The following ZDHHC5 variants were observed in gnomAD, a reference collection of about 807,000 sequenced individuals.
ZDHHC5 encodes the protein palmitoyltransferase ZDHHC5.
ZDHHC5 carries 22 observed loss-of-function variants against 70.0 expected under a neutral mutation model. The observed-to-expected ratio is 0.31, with a 90% CI of 0.22 to 0.45. ZDHHC5 has a LOEUF of 0.45. Among genes scored for constraint, ZDHHC5 ranks in the 20% least tolerant of loss-of-function variants. The pLI is 1.00. For missense variants in ZDHHC5, 746 were observed against 926.9 expected (o/e 0.80, Z 2.53); for synonymous variants, 313 against 347.8 (o/e 0.90, Z 1.11).
At chr11:57,683,972 ATT>A (rs11435194) in intron 3 of ZDHHC5, among the ~76,000 whole-genome samples, 7 of 135,860 alleles carry the variant, frequency 5.2e-5, no homozygotes, top group Admixed American at 7.7e-5. Context: ...CTAATAATTA[ATT>A]TTTTTTTTTT....
chr11:57,699,953 A>T lies in ZDHHC5; in HGVS notation c.2070A>T (p.Pro690=). Residue 690 remains proline (P), a synonymous_variant, in exon 12 of 12, where the codon CCA becomes CCT. Transcript: ENST00000287169. ...LGSASPGPGQ[P]PLSSPTRGGV... ...CAGCCTCCCCTGGCCCAGGCCAGCC[A>T]CCTCTCAGTAGCCCCACGAGGGGAG... 1 of 1,614,030 alleles carries T rather than the reference A, an allele frequency of 6.2e-7. No homozygotes were observed. Among genetic ancestry groups the T allele is most frequent in the Non-Finnish European group, 8.5e-7 (1 of 1,179,968 alleles).
intron 4 of ZDHHC5, among the ~76,000 whole-genome samples, chr11:57,689,290 C>T (rs909792932): frequency 6.6e-6 from 1 of 152,154 alleles, no homozygotes; most frequent in Non-Finnish European, 1.5e-5. Context: ...GATGTTTCTG[C>T]AAAACCTCTG....
At chr11:57,676,686 G>T (rs1946075801) in intron 2 of ZDHHC5, among the ~76,000 whole-genome samples, 1 of 151,714 alleles carries the variant, frequency 6.6e-6, no homozygotes, top group Non-Finnish European at 1.5e-5. Context: ...GGGCTGCTCT[G>T]GTTCAAGTGA....
At chr11:57,678,669 AG>A (rs1169019865) in intron 2 of ZDHHC5, among the ~76,000 whole-genome samples, 1 of 151,488 alleles carries the variant, frequency 6.6e-6, no homozygotes, top group Non-Finnish European at 1.5e-5. Flanking sequence ...CGCTGAGCCC[AG>A]GAGTTCGAGA....
At chr11:57,673,260 C>T (rs1477857358) in intron 2 of ZDHHC5, 66 bp downstream of exon 2, 6 of 1,531,164 alleles carry the variant, frequency 3.9e-6, no homozygotes, top group Middle Eastern at 3.4e-4. Flanking sequence ...GGAGATAACG[C>T]TTTCTCTTGA....
rs1241866942 is a variant in ZDHHC5 at position 57,672,166 on chromosome 11, AT to A, written c.-923del. The A allele has an allele frequency of 2.5e-6, 1 of 398,296 alleles. No individual in the cohort carries two copies. Among genetic ancestry groups the A allele is most frequent in the Non-Finnish European group, 4.4e-6 (1 of 226,002 alleles). 24.7% of individuals were successfully genotyped at this position (398,296 alleles called of 1,614,324 possible). A position where few individuals can be genotyped will look rare whatever the true frequency, so the allele number is the denominator to read the frequency against. ...AACTTTTGAAGTGTCATCAATTGGA[AT>A]TGATTTCTTCATCTTATTCTGCCTA... On this transcript the variant is annotated 5_prime_UTR_variant, in exon 2 of 12. The change creates a new upstream start codon in the 5' untranslated region. Coordinates refer to ENST00000287169, the MANE Select transcript of ZDHHC5 (RefSeq NM_015457.3).
intron 2 of ZDHHC5, among the ~76,000 whole-genome samples, chr11:57,681,090 A>G (rs1946144770): frequency 6.6e-6 from 1 of 152,238 alleles, no homozygotes; most frequent in Non-Finnish European, 1.5e-5. Context: ...ATTTGAATAA[A>G]TAGATGGTGG....
intron 1 of ZDHHC5, among the ~76,000 whole-genome samples, chr11:57,669,944 C>T (rs1414545157): frequency 1.3e-5 from 2 of 152,078 alleles, no homozygotes; most frequent in African/African-American, 4.8e-5. Context: ...ACTGTGTAGC[C>T]CCCAAGCATC....
intron 3 of ZDHHC5, among the ~76,000 whole-genome samples, chr11:57,686,500 G>C (rs1946209888): frequency 1.3e-5 from 2 of 151,894 alleles, no homozygotes; most frequent in African/African-American, 4.8e-5. Flanking sequence ...ATTTTTAGTA[G>C]AGATGGGGTC....
intron 1 of ZDHHC5, among the ~76,000 whole-genome samples, chr11:57,670,819 G>GAT (rs1945996533): frequency 7.8e-6 from 1 of 128,560 alleles, no homozygotes; most frequent in Non-Finnish European, 1.6e-5. Context: ...TGAATCTTCT[G>GAT]ATTTTTTTTT....
At chr11:57,684,217 C>T (rs1204617419) in intron 3 of ZDHHC5, among the ~76,000 whole-genome samples, 3 of 152,128 alleles carry the variant, frequency 2.0e-5, no homozygotes, top group South Asian at 2.1e-4. Flanking sequence ...CCTTGTGATT[C>T]GCCTGCCTCA....
In ZDHHC5 at chr11:57,683,652, G is replaced by C. The variant is rs114248069; in HGVS notation, c.226+1109G>C. On this transcript the variant is annotated intron_variant, in intron 3 of 11. Transcript: ENST00000287169. ...TACCCAGTGGGCAATTGAATAGTCAGTGTTGAAGACCTTGATTTAATAATC... is the reference window on the plus strand; with the variant it reads ...TACCCAGTGGGCAATTGAATAGTCACTGTTGAAGACCTTGATTTAATAATC... 1.5e-3 allele frequency among the ~76,000 whole-genome samples: 222 copies of C among 152,324 alleles called. 1 individual carries two copies. The highest frequency in any genetic ancestry group is 5.1e-3 in the African/African-American group (211 of 41,572).
At chr11:57,671,948 G>GA in intron 1 of ZDHHC5, 73 bp from the exon 2 acceptor site, 1 of 304,446 alleles carries the variant, frequency 3.3e-6, no homozygotes. Context: ...ACAGCAGCCT[G>GA]TGGAATTTTA....
intron 2 of ZDHHC5, 92 bp downstream of exon 2, chr11:57,673,286 G>C: frequency 8.1e-7 from 1 of 1,233,958 alleles, no homozygotes; most frequent in Non-Finnish European, 1.2e-6. Context: ...GCAAAGCCAA[G>C]TGACTGAGAG....
chr11:57,699,294 G>C lies in ZDHHC5; in HGVS notation c.1858G>C (p.Gly620Arg), dbSNP rs1245620373. ...KPDGLRGRGV[G>R]SPEPGPTAPY... ...AGATGGGCTAAGGGGCCGGGGAGTA[G>C]GGTCCCCTGAACCAGGCCCAACAGC... The change falls in exon 11 of 12, where the codon GGG (glycine) becomes CGG (arginine). Residue 620 changes from glycine (G) to arginine (R), a missense_variant. By Grantham distance (125) the Gly-to-Arg change is moderately radical. Around this residue, in one of 6 missense-constraint regions of ZDHHC5, gnomAD observed 340 missense variants for 350.1 expected, o/e 0.97. Coordinates refer to ENST00000287169, the MANE Select transcript of ZDHHC5 (RefSeq NM_015457.3). 2.5e-6 allele frequency: 4 copies of C among 1,614,240 alleles called. No individual in the cohort carries two copies. The highest frequency in any genetic ancestry group is 2.2e-5 in the East Asian group (1 of 44,890).
At chr11:57,693,581 G>C (rs1946312951) in intron 7 of ZDHHC5, among the ~76,000 whole-genome samples, 1 of 152,126 alleles carries the variant, frequency 6.6e-6, no homozygotes, top group South Asian at 2.1e-4. Context: ...CTTGAGCTAG[G>C]TATCTGCTCA....
At chr11:57,680,221 C>A (rs1946132036) in intron 2 of ZDHHC5, among the ~76,000 whole-genome samples, 2 of 151,934 alleles carry the variant, frequency 1.3e-5, no homozygotes, top group South Asian at 4.1e-4. Context: ...CCTGTCTCTA[C>A]AAAAAATTAG....
intron 2 of ZDHHC5, among the ~76,000 whole-genome samples, chr11:57,680,645 C>T (rs509564): frequency 0.27 from 41,028 of 152,060 alleles, 6,629 homozygotes; most frequent in East Asian, 0.78. Context: ...CCTTTCTCTT[C>T]TTCCCCAGGC....
chr11:57,697,064 C>T (rs1458926336), intron 10 of ZDHHC5, among the ~76,000 whole-genome samples, 191 bp downstream of exon 10: 8 of 151,688 alleles, frequency 5.3e-5, no homozygotes, highest in Non-Finnish European at 8.8e-5. Context: ...GGCGTGGTGG[C>T]TCACGCCTGT....
Sources: gnomAD v4.1 joint callset for allele counts (sites outside exome capture counted in the v4.1 genomes callset) on GRCh38, gnomAD v4.1.1 for gene constraint, gnomAD v4.1.1 regional missense constraint, MANE v1.5 for transcripts, NCBI Gene and HGNC (gene_info 2026-07-23, HGNC 2026-07-21) for gene names.